Variants in IMMP2L observed in about 807,000 individuals in gnomAD.
IMMP2L encodes the protein inner mitochondrial membrane peptidase subunit 2.
A neutral mutation model predicts 19.3 loss-of-function variants in IMMP2L; 18 were observed. The observed-to-expected ratio is 0.93, with a 90% CI of 0.64 to 1.38. The LOEUF (loss-of-function observed/expected upper bound fraction) is 1.38. Among genes scored for constraint, IMMP2L ranks in the 40% most tolerant of loss-of-function variants. The pLI, the probability that IMMP2L is intolerant of heterozygous loss-of-function variation, is 0.00. For missense variants in IMMP2L, 233 were observed against 218.2 expected (o/e 1.07, Z -0.43); for synonymous variants, 76 against 73.0 (o/e 1.04, Z -0.21).
chr7:110,676,181 A>G (rs899768073), intron 5 of IMMP2L, among the ~76,000 whole-genome samples: 1 of 152,230 alleles, frequency 6.6e-6, no homozygotes, highest in African/African-American at 2.4e-5. Context: ...ATGTTATGTA[A>G]TAATTTATGT....
rs80032428 is a variant in IMMP2L at position 110,855,397 on chromosome 7, C to T, written c.408+31196G>A. 2.9e-4 allele frequency among the ~76,000 whole-genome samples: 44 copies of T among 151,982 alleles called. No homozygotes were observed. The East Asian group carries it at 7.2e-3, about 25-fold the overall frequency. ...GTAGTATGATATGTAAGAAGTTCTA[C>T]GCTGGAAAGGTGTGCATTTTGGCTC... On this transcript the variant is annotated intron_variant, in intron 5 of 5. Transcript: ENST00000405709.
At chr7:111,182,703 C>T (rs1807842181) in intron 3 of IMMP2L, among the ~76,000 whole-genome samples, 1 of 151,516 alleles carries the variant, frequency 6.6e-6, no homozygotes, top group South Asian at 2.1e-4. Flanking sequence ...GATGTGAAAT[C>T]TAAGGGAGTC....
intron 5 of IMMP2L, among the ~76,000 whole-genome samples, chr7:110,680,349 G>C (rs1028099555): frequency 6.6e-6 from 1 of 152,160 alleles, no homozygotes; most frequent in African/African-American, 2.4e-5. Flanking sequence ...TGATGAGCTA[G>C]ATGAGTGATC....
chr7:111,219,299 T>G (rs1264828408), intron 3 of IMMP2L, among the ~76,000 whole-genome samples: 6 of 152,016 alleles, frequency 3.9e-5, no homozygotes, highest in African/African-American at 1.4e-4. Flanking sequence ...AGGCACTATT[T>G]CTAAAAGTGT....
chr7:111,420,266 G>A (rs1330019091), intron 3 of IMMP2L, among the ~76,000 whole-genome samples: 1 of 151,700 alleles, frequency 6.6e-6, no homozygotes, highest in Non-Finnish European at 1.5e-5. Flanking sequence ...AAGAAATCAA[G>A]TTTTCTAAGT....
At chr7:110,907,907 G>A (rs1285381516) in intron 4 of IMMP2L, among the ~76,000 whole-genome samples, 2 of 152,122 alleles carry the variant, frequency 1.3e-5, no homozygotes, top group Non-Finnish European at 2.9e-5. Flanking sequence ...GATATTCCCA[G>A]GGTGAACAGG....
intron 3 of IMMP2L, among the ~76,000 whole-genome samples, chr7:111,141,918 G>A (rs914990944): frequency 3.3e-5 from 5 of 152,064 alleles, no homozygotes; most frequent in Admixed American, 2.0e-4. Context: ...TGCCCAGGCT[G>A]GTATCGAACT....
intron 5 of IMMP2L, among the ~76,000 whole-genome samples, chr7:110,706,665 T>G (rs545774993): frequency 3.3e-5 from 5 of 152,264 alleles, no homozygotes; most frequent in African/African-American, 1.2e-4. Context: ...TCAAGAAGTG[T>G]CCATGTCTTT....
chr7:111,367,136 T>C (rs1008463126), intron 3 of IMMP2L, among the ~76,000 whole-genome samples: 8 of 151,662 alleles, frequency 5.3e-5, no homozygotes, highest in African/African-American at 9.7e-5. Context: ...CACTTGTGGC[T>C]GTTCCTCTTA....
At chr7:111,405,663 A>T (rs899180505) in intron 3 of IMMP2L, among the ~76,000 whole-genome samples, 3 of 152,084 alleles carry the variant, frequency 2.0e-5, no homozygotes, top group African/African-American at 4.8e-5. Flanking sequence ...TTTCCCTCCT[A>T]GGTCACTGGC....
chr7:111,505,027 C>A (rs1294910470), intron 2 of IMMP2L, among the ~76,000 whole-genome samples: 1 of 151,934 alleles, frequency 6.6e-6, no homozygotes, highest in Non-Finnish European at 1.5e-5. Flanking sequence ...CCATCAGAGT[C>A]AACAGGCAAC....
chr7:111,498,893 A>G (rs868751553), intron 2 of IMMP2L, among the ~76,000 whole-genome samples: 2 of 152,192 alleles, frequency 1.3e-5, no homozygotes, highest in African/African-American at 4.8e-5. Flanking sequence ...AGAACAAAGG[A>G]GCTCAAATGC....
chr7:111,309,117 T>C (rs1157728384), intron 3 of IMMP2L, among the ~76,000 whole-genome samples: 1 of 152,114 alleles, frequency 6.6e-6, no homozygotes, highest in Non-Finnish European at 1.5e-5. Flanking sequence ...ATTGTCATAA[T>C]TTGGGATCAA....
At chr7:111,398,468 C>G (rs1007016192) in intron 3 of IMMP2L, among the ~76,000 whole-genome samples, 10 of 152,086 alleles carry the variant, frequency 6.6e-5, no homozygotes, top group Admixed American at 1.3e-4. Context: ...ATACAAGGGA[C>G]ATACCTCAAT....
At position 110,906,710 on chromosome 7, in the gene IMMP2L, GA is replaced by G. The variant is rs201842189; in HGVS notation, c.306-20016del. Among the ~76,000 whole-genome samples the G allele has an allele frequency of 4.7e-5, 7 of 148,686 alleles. No individual in the cohort carries two copies. The South Asian group carries it at 6.5e-4, about 14-fold the overall frequency. ...AATGATTTAATTAATTTATAATAGT[GA>G]AAAAAAAACCATACCAAAATAACCA... On this transcript the variant is annotated intron_variant, in intron 4 of 5. Transcript: ENST00000405709.
chr7:111,428,541 C>T (rs1368602011), intron 3 of IMMP2L, among the ~76,000 whole-genome samples: 1 of 149,872 alleles, frequency 6.7e-6, no homozygotes, highest in East Asian at 1.9e-4. Context: ...TTTTAAAAAC[C>T]TTTTAAAATT....
chr7:110,915,492 G>A (rs1465665628), intron 4 of IMMP2L, among the ~76,000 whole-genome samples: 1 of 152,030 alleles, frequency 6.6e-6, no homozygotes, highest in Non-Finnish European at 1.5e-5. Context: ...TTGGTCAAAG[G>A]GTACAAAGTT....
At chr7:111,410,956 T>A (rs1364585096) in intron 3 of IMMP2L, among the ~76,000 whole-genome samples, 1 of 150,366 alleles carries the variant, frequency 6.7e-6, no homozygotes, top group Admixed American at 6.6e-5. Context: ...AGGAAAGAGG[T>A]CAAGAAAATA....
chr7:111,351,183 TTTTATTTA>T (rs963814424), intron 3 of IMMP2L, among the ~76,000 whole-genome samples: 35 of 152,074 alleles, frequency 2.3e-4, no homozygotes, highest in African/African-American at 6.0e-4. Context: ...AGCATTTTTA[TTTTATTTA>T]TTTATTTATT....
Sources: allele counts gnomAD v4.1 joint callset (sites outside exome capture counted in the v4.1 genomes callset), GRCh38; gene constraint gnomAD v4.1.1; transcripts MANE v1.5; gene names NCBI Gene and HGNC (gene_info 2026-07-23, HGNC 2026-07-21).